Variants in SCHIP1 observed in about 807,000 individuals in gnomAD.
The protein encoded by SCHIP1 is schwannomin interacting protein 1.
A neutral mutation model predicts 29.7 loss-of-function variants in SCHIP1; 8 were observed. That is an observed-to-expected ratio of 0.27 (90% CI 0.16 to 0.49). The LOEUF (loss-of-function observed/expected upper bound fraction) is 0.49. SCHIP1 is among the 20% of genes least tolerant of loss of function. The pLI is 0.99. For synonymous variants in SCHIP1, 76 were observed against 94.9 expected (o/e 0.80, Z 1.16); for missense variants, 193 against 294.6 (o/e 0.66, Z 2.52).
At chr3:159,442,580 G>A in the SCHIP1 span, among the ~76,000 whole-genome samples, 2 of 152,208 alleles carry the variant, frequency 1.3e-5, no homozygotes, top group Non-Finnish European at 1.5e-5. Flanking sequence ...TAGGCAGGGA[G>A]AATGGGTGCA....
chr3:159,510,518 C>T, the SCHIP1 span, among the ~76,000 whole-genome samples: 11 of 152,208 alleles, frequency 7.2e-5, no homozygotes, highest in Admixed American at 1.3e-4. Context: ...TAAGGAGCTG[C>T]GTTCCTTTGG....
At chr3:159,354,720 A>AG in the SCHIP1 span, among the ~76,000 whole-genome samples, 1 of 152,192 alleles carries the variant, frequency 6.6e-6, no homozygotes, top group African/African-American at 2.4e-5. Flanking sequence ...CTACACTAAG[A>AG]GAACTAGGAG....
rs1577428093 is a variant in SCHIP1 at position 159,850,378 on chromosome 3, G to A, written c.30+10164G>A. Among the ~76,000 whole-genome samples, 3 of 151,994 alleles carry A rather than the reference G, an allele frequency of 2.0e-5. No individual in the cohort carries two copies. The South Asian group carries it at 6.2e-4, about 32-fold the overall frequency. ...AGACCATCCTAGCCAACATGGTGAA[G>A]CCCCGTTTCTACTAAAAATACGAAA... On this transcript the variant is annotated intron_variant, in intron 1 of 6. Coordinates refer to ENST00000445224, the Ensembl canonical transcript of SCHIP1.
the SCHIP1 span, among the ~76,000 whole-genome samples, chr3:159,672,557 G>T: frequency 6.6e-6 from 1 of 150,986 alleles, no homozygotes; most frequent in Non-Finnish European, 1.5e-5. Context: ...AGGACATTTG[G>T]CAATGTCTTG....
chr3:159,488,748 A>C, the SCHIP1 span, among the ~76,000 whole-genome samples: 10 of 152,220 alleles, frequency 6.6e-5, no homozygotes, highest in African/African-American at 1.7e-4. Flanking sequence ...GAGATCAGGA[A>C]CCAACTGTGC....
chr3:159,313,124 T>C, the SCHIP1 span, among the ~76,000 whole-genome samples: 2 of 152,206 alleles, frequency 1.3e-5, no homozygotes, highest in Non-Finnish European at 2.9e-5. Flanking sequence ...ATAGTCCTTA[T>C]TATTTAAAGC....
intron 2 of SCHIP1, among the ~76,000 whole-genome samples, chr3:159,881,485 T>C (rs913290931): frequency 6.6e-6 from 1 of 152,246 alleles, no homozygotes; most frequent in African/African-American, 2.4e-5. Flanking sequence ...TCGAAGTCCC[T>C]GGCATATGGG....
At chr3:159,871,970 A>G (rs2109309357) in intron 2 of SCHIP1, among the ~76,000 whole-genome samples, 1 of 152,134 alleles carries the variant, frequency 6.6e-6, no homozygotes, top group East Asian at 1.9e-4. Flanking sequence ...GTATCTGAGC[A>G]TTTCGAGGAT....
the SCHIP1 span, among the ~76,000 whole-genome samples, chr3:159,553,570 T>C: frequency 2.6e-5 from 4 of 152,232 alleles, no homozygotes; most frequent in African/African-American, 9.6e-5. Context: ...TTACTTAAAC[T>C]CTTTTCCTGC....
the SCHIP1 span, among the ~76,000 whole-genome samples, chr3:159,459,869 A>G: frequency 6.6e-5 from 10 of 152,206 alleles, no homozygotes; most frequent in East Asian, 1.9e-4. Context: ...ACATGAAGAC[A>G]CAGGGAGAAA....
the SCHIP1 span, among the ~76,000 whole-genome samples, chr3:159,602,407 T>G: frequency 6.6e-6 from 1 of 152,124 alleles, no homozygotes; most frequent in East Asian, 1.9e-4. Flanking sequence ...TTATTTAAAA[T>G]TTAAAAGAAA....
chr3:159,556,425 C>T, the SCHIP1 span, among the ~76,000 whole-genome samples: 11 of 151,938 alleles, frequency 7.2e-5, no homozygotes, highest in Admixed American at 7.2e-4. Context: ...TGGGTATATA[C>T]CCAAAGGATT....
chr3:159,288,902 C>G, the SCHIP1 span, among the ~76,000 whole-genome samples: 1 of 152,142 alleles, frequency 6.6e-6, no homozygotes, highest in Non-Finnish European at 1.5e-5. Flanking sequence ...CACCACCTTT[C>G]TTTAGTCACA....
the SCHIP1 span, among the ~76,000 whole-genome samples, chr3:159,809,595 C>T: frequency 6.6e-6 from 1 of 151,276 alleles, no homozygotes; most frequent in Non-Finnish European, 1.5e-5. Flanking sequence ...TATGTTCCCA[C>T]CATCAGGTAA....
At chr3:159,838,738 A>T (rs1743914237), upstream of SCHIP1, among the ~76,000 whole-genome samples, 1 of 151,994 alleles carries the variant, frequency 6.6e-6, no homozygotes, top group Non-Finnish European at 1.5e-5. Context: ...AAAAAAATAT[A>T]AAAAAATTAG....
At chr3:159,714,728 G>C in the SCHIP1 span, among the ~76,000 whole-genome samples, 1 of 152,216 alleles carries the variant, frequency 6.6e-6, no homozygotes, top group Non-Finnish European at 1.5e-5. Flanking sequence ...GGCTTGAGTA[G>C]GTAAACAAAG....
At chr3:159,865,997 A>G (rs1432910424) in intron 1 of SCHIP1, among the ~76,000 whole-genome samples, 166 bp from the exon 3 acceptor site, 2 of 152,216 alleles carry the variant, frequency 1.3e-5, no homozygotes, top group Non-Finnish European at 2.9e-5. Flanking sequence ...GCCAGAAGAG[A>G]CTGGTAAAAT....
At chr3:159,291,872 G>A in the SCHIP1 span, among the ~76,000 whole-genome samples, 1 of 151,854 alleles carries the variant, frequency 6.6e-6, no homozygotes, top group African/African-American at 2.4e-5. Flanking sequence ...AAATCAATGG[G>A]ATGAAAAATA....
At chr3:159,394,476 T>G in the SCHIP1 span, among the ~76,000 whole-genome samples, 1 of 152,240 alleles carries the variant, frequency 6.6e-6, no homozygotes, top group Non-Finnish European at 1.5e-5. Flanking sequence ...CTTATTATTT[T>G]GAAATAGGTC....
Sources: allele counts gnomAD v4.1 joint callset (sites outside exome capture counted in the v4.1 genomes callset), GRCh38; gene constraint gnomAD v4.1.1; transcripts MANE v1.5; gene names NCBI Gene and HGNC (gene_info 2026-07-23, HGNC 2026-07-21).